USP10: variants seen among roughly 807,000 people sequenced by gnomAD.
USP10 encodes ubiquitin specific peptidase 10.
A neutral mutation model predicts 84.5 loss-of-function variants in USP10; 22 were observed. The ratio of observed to expected loss-of-function variants is 0.26; its 90% CI spans 0.19 to 0.37. USP10 has a LOEUF of 0.37. Among genes scored for constraint, USP10 ranks in the 10% least tolerant of loss-of-function variants. The probability of loss-of-function intolerance (pLI) is 1.00; values close to 1 mark genes in which losing one functional copy is unlikely to be tolerated. For missense variants in USP10, 1,019 were observed against 998.9 expected (o/e 1.02, Z -0.27); for synonymous variants, 454 against 387.6 (o/e 1.17, Z -2.01).
At chr16:84,716,665 GA>G (rs1907056037) in intron 1 of USP10, 1 of 152,180 alleles carries the variant, frequency 6.6e-6, no homozygotes, top group African/African-American at 2.4e-5. Flanking sequence ...CTGCCTGCAC[GA>G]AGGCTGATCA....
Position 84,775,138 on chromosome 16 carries a change from C to T in USP10, c.2144-22C>T, listed in dbSNP as rs747483559. The T allele has an allele frequency of 1.2e-5, 20 of 1,611,746 alleles. No individual in the cohort carries two copies. In the African/African-American group the frequency reaches 2.3e-4, roughly 18 times the overall value. On this transcript the variant is annotated intron_variant, in intron 12 of 13. Transcript: ENST00000219473. ...TGAACCTTTCTAAAAGTGCTTCAAG[C>T]CATTGATATTTTGTTTTCCAGAACT...
intron 1 of USP10, among the ~76,000 whole-genome samples, chr16:84,720,853 A>G (rs1171733720): frequency 1.4e-5 from 2 of 147,032 alleles, no homozygotes; most frequent in African/African-American, 5.1e-5. Context: ...AAGTGCTGGG[A>G]TTACAGTCCT....
At chr16:84,768,079 T>C in intron 10 of USP10, 114 bp from the exon 11 acceptor site, 1 of 1,230,476 alleles carries the variant, frequency 8.1e-7, no homozygotes. Context: ...TCTGTGGTCT[T>C]TTGAAAGTGA....
At chr16:84,733,372 T>G in intron 1 of USP10, 63 bp from the exon 2 acceptor site, 1 of 1,320,498 alleles carries the variant, frequency 7.6e-7, no homozygotes, top group Middle Eastern at 1.9e-4. Flanking sequence ...TATGTAGCAT[T>G]TTTTCTGAAA....
intron 13 of USP10, among the ~76,000 whole-genome samples, chr16:84,778,097 GT>G (rs1915206081): frequency 2.6e-5 from 4 of 151,644 alleles, no homozygotes; most frequent in Admixed American, 6.6e-5. Flanking sequence ...ATAACTGTGT[GT>G]GTGTGTGTGT....
chr16:84,708,987 G>A (rs1905911682), intron 1 of USP10: 1 of 152,192 alleles, frequency 6.6e-6, no homozygotes, highest in African/African-American at 2.4e-5. Context: ...TCCAGTTTTA[G>A]GGTGGTAATT....
At chr16:84,742,655 C>T (rs528073701) in intron 3 of USP10, among the ~76,000 whole-genome samples, 2 of 152,302 alleles carry the variant, frequency 1.3e-5, no homozygotes, top group East Asian at 3.9e-4. Flanking sequence ...GCGTGCAGGC[C>T]GTCCTGCACT....
intron 1 of USP10, among the ~76,000 whole-genome samples, chr16:84,703,187 C>CT (rs1905108733): frequency 6.6e-6 from 1 of 152,092 alleles, no homozygotes; most frequent in Non-Finnish European, 1.5e-5. Context: ...AATAAATGAA[C>CT]TTTAACAGTT....
intron 1 of USP10, among the ~76,000 whole-genome samples, chr16:84,712,888 A>T (rs752735237): frequency 6.6e-5 from 10 of 152,312 alleles, no homozygotes; most frequent in Middle Eastern, 6.8e-3. Context: ...ACACTTAGCA[A>T]TGCAGAGAGA....
chr16:84,754,728 A>G (rs1912324073), intron 4 of USP10, among the ~76,000 whole-genome samples: 1 of 152,264 alleles, frequency 6.6e-6, no homozygotes, highest in South Asian at 2.1e-4. Context: ...CTGTCTCACA[A>G]ATAAATGCTG....
chr16:84,777,596 T>G (rs980431813), intron 13 of USP10, among the ~76,000 whole-genome samples: 3 of 152,100 alleles, frequency 2.0e-5, no homozygotes, highest in African/African-American at 7.2e-5. Context: ...TGCTGTTCAG[T>G]CTCCTCCGGG....
At chr16:84,753,576 CAATG>C (rs1912185826) in intron 4 of USP10, among the ~76,000 whole-genome samples, 2 of 152,208 alleles carry the variant, frequency 1.3e-5, no homozygotes, top group Non-Finnish European at 2.9e-5. Flanking sequence ...ATCTGCCGCA[CAATG>C]AATGAAGTGG....
At chr16:84,744,136 A>G (rs1001957835) in intron 3 of USP10, among the ~76,000 whole-genome samples, 1 of 151,456 alleles carries the variant, frequency 6.6e-6, no homozygotes, top group African/African-American at 2.4e-5. Flanking sequence ...CCTATCCAGT[A>G]TGTATAGGAT....
intron 4 of USP10, among the ~76,000 whole-genome samples, chr16:84,752,954 A>G (rs991643434): frequency 1.3e-5 from 2 of 151,976 alleles, no homozygotes; most frequent in African/African-American, 4.8e-5. Flanking sequence ...ATGGAGCTTT[A>G]TTTTTTAAAA....
At chr16:84,709,674 G>A (rs1906021217) in intron 1 of USP10, among the ~76,000 whole-genome samples, 1 of 152,038 alleles carries the variant, frequency 6.6e-6, no homozygotes, top group Non-Finnish European at 1.5e-5. Flanking sequence ...TTAGGTATAA[G>A]GTGTTTCAAA....
At chr16:84,754,743 A>G (rs187930941) in intron 4 of USP10, among the ~76,000 whole-genome samples, 21 of 152,340 alleles carry the variant, frequency 1.4e-4, no homozygotes, top group Admixed American at 9.8e-4. Flanking sequence ...ATGCTGGGAA[A>G]AAAGTCGGTT....
chr16:84,746,931 C>A (rs1911294958), intron 4 of USP10, among the ~76,000 whole-genome samples: 1 of 152,116 alleles, frequency 6.6e-6, no homozygotes, highest in African/African-American at 2.4e-5. Context: ...TTCTTACTTT[C>A]CTATAAGCTT....
intron 2 of USP10, among the ~76,000 whole-genome samples, chr16:84,735,514 T>A (rs1282555940): frequency 6.6e-6 from 1 of 152,214 alleles, no homozygotes; most frequent in East Asian, 1.9e-4. Context: ...GCCTCCCATT[T>A]CTTTTCTCTT....
rs1389076875 is a variant in USP10 at position 84,778,940 on chromosome 16, C to T, written c.2255C>T (p.Thr752Ile). 6.2e-7 allele frequency: 1 copy of T among 1,613,984 alleles called. No homozygotes were observed. Residue 752 changes from threonine to isoleucine, a missense_variant, in exon 14 of 14, where the codon ACA (threonine) becomes ATA (isoleucine). Around this residue, in one of 2 missense-constraint regions of USP10, gnomAD observed 232 missense variants for 290.1 expected, o/e 0.80. Coordinates refer to ENST00000219473, the MANE Select transcript of USP10 (RefSeq NM_005153.3). Reference protein sequence around the residue: ...GNSATGGHYTTDVFQIGLNGW... With the variant: ...GNSATGGHYTIDVFQIGLNGW... ...AGTGCGACGGGCGGCCATTACACTA[C>T]AGACGTCTTCCAGATCGGTCTGAAT... is the stretch of plus-strand genomic sequence containing the variant.
Sources: gnomAD v4.1 joint callset for allele counts (sites outside exome capture counted in the v4.1 genomes callset) on GRCh38, gnomAD v4.1.1 for gene constraint, gnomAD v4.1.1 regional missense constraint, MANE v1.5 for transcripts, NCBI Gene and HGNC (gene_info 2026-07-23, HGNC 2026-07-21) for gene names.